The following OSBPL9 variants were observed in gnomAD, a reference collection of about 807,000 sequenced individuals.
OSBPL9 encodes the protein oxysterol-binding protein-related protein 9.
A neutral mutation model predicts 106.6 loss-of-function variants in OSBPL9; 40 were observed. The observed-to-expected ratio is 0.38, with a 90% CI of 0.29 to 0.49. The LOEUF is 0.49. Ranked by LOEUF, OSBPL9 falls within the 20% of genes least tolerant of loss-of-function variation. The pLI, the probability that OSBPL9 is intolerant of heterozygous loss-of-function variation, is 0.97. For missense variants in OSBPL9, 609 were observed against 887.2 expected (o/e 0.69, Z 3.98); for synonymous variants, 269 against 295.4 (o/e 0.91, Z 0.92).
At chr1:51,616,046 GCT>G (rs1644050339), upstream of OSBPL9, among the ~76,000 whole-genome samples, 2 of 138,478 alleles carry the variant, frequency 1.4e-5, no homozygotes, top group Admixed American at 1.5e-4. Context: ...AGAGAATTTG[GCT>G]CTGTCACCCA....
the OSBPL9 span, among the ~76,000 whole-genome samples, chr1:51,541,156 G>T: frequency 1.3e-5 from 2 of 152,066 alleles, no homozygotes; most frequent in Admixed American, 6.6e-5. Context: ...TTATTTATTT[G>T]TTTGTTTGCT....
the OSBPL9 span, among the ~76,000 whole-genome samples, chr1:51,524,882 G>A: frequency 1.3e-5 from 2 of 152,168 alleles, no homozygotes; most frequent in Non-Finnish European, 2.9e-5. Context: ...CATGGCTGCA[G>A]GTTCTTTCAT....
the OSBPL9 span, among the ~76,000 whole-genome samples, chr1:51,533,372 G>A: frequency 6.6e-6 from 1 of 151,734 alleles, no homozygotes; most frequent in African/African-American, 2.4e-5. Context: ...TGTAGTCCCA[G>A]CTACTCTGGA....
intron 6 of OSBPL9, among the ~76,000 whole-genome samples, chr1:51,747,033 G>A (rs961881399): frequency 6.6e-6 from 1 of 152,122 alleles, no homozygotes; most frequent in Non-Finnish European, 1.5e-5. Context: ...GCATTGGCAC[G>A]ATCTCAGCTC....
intron 3 of OSBPL9, among the ~76,000 whole-genome samples, chr1:51,679,457 G>A (rs188949230): frequency 6.9e-4 from 105 of 152,304 alleles, no homozygotes; most frequent in African/African-American, 2.4e-3. Flanking sequence ...GAAGATAATT[G>A]TTAGTAACAT....
chr1:51,616,864 C>T, upstream of OSBPL9: 1 of 529,402 alleles, frequency 1.9e-6, no homozygotes, highest in South Asian at 2.5e-5. Context: ...TTACTCTAAT[C>T]CCATGACAGA....
chr1:51,761,833 TC>T, intron 10 of OSBPL9, 33 bp from the exon 11 acceptor site: 1 of 1,497,964 alleles, frequency 6.7e-7, no homozygotes, highest in South Asian at 1.1e-5. Context: ...TTTGGCTGTT[TC>T]TGTACCTTAT....
chr1:51,577,523 T>C lies in OSBPL9; in HGVS notation c.-423+267T>C, dbSNP rs1645193276. ...CTCCTGACCTCGTGATCCACCCACC[T>C]AGGCCTCCCAAAGTGCTGGGATTAC... On this transcript the variant is annotated intron_variant, in intron 1 of 25. Coordinates refer to the OSBPL9 transcript ENST00000371714. 2.0e-5 allele frequency among the ~76,000 whole-genome samples: 3 copies of C among 152,032 alleles called. No homozygotes were observed. In the South Asian group the frequency reaches 6.2e-4, roughly 31 times the overall value.
the OSBPL9 span, chr1:51,562,050 T>G: frequency 0.17 from 26,297 of 152,180 alleles, 4,624 homozygotes; most frequent in African/African-American, 0.45. Context: ...AAAGAACCAG[T>G]GAACAAGGCA....
the OSBPL9 span, among the ~76,000 whole-genome samples, chr1:51,544,070 A>C: frequency 2.6e-5 from 4 of 152,240 alleles, no homozygotes; most frequent in African/African-American, 9.6e-5. Context: ...TTTGCGTAGC[A>C]CTTGATGATT....
chr1:51,537,860 T>C, the OSBPL9 span, among the ~76,000 whole-genome samples: 1 of 152,116 alleles, frequency 6.6e-6, no homozygotes, highest in African/African-American at 2.4e-5. Flanking sequence ...CATTTTAAAT[T>C]AATAATTCAT....
chr1:51,693,969 A>G (rs1261968941), intron 3 of OSBPL9, among the ~76,000 whole-genome samples: 1 of 152,210 alleles, frequency 6.6e-6, no homozygotes, highest in Non-Finnish European at 1.5e-5. Flanking sequence ...AGCCATGAAT[A>G]AGGCTGTCAA....
chr1:51,723,593 C>G (rs1180054693), intron 4 of OSBPL9, among the ~76,000 whole-genome samples: 1 of 152,042 alleles, frequency 6.6e-6, no homozygotes, highest in African/African-American at 2.4e-5. Context: ...GTTGCCCAGG[C>G]TGGAGTGCAG....
At chr1:51,518,722 A>G in the OSBPL9 span, among the ~76,000 whole-genome samples, 2 of 152,178 alleles carry the variant, frequency 1.3e-5, no homozygotes, top group East Asian at 3.9e-4. Flanking sequence ...CGGCTCTGGA[A>G]GGCAACTCCT....
intron 5 of OSBPL9, 112 bp downstream of exon 5, chr1:51,745,743 C>T: frequency 1.6e-6 from 2 of 1,290,078 alleles, no homozygotes; most frequent in South Asian, 4.4e-5. Context: ...TGTGGTTCTT[C>T]AGCAGTTTTT....
intron 4 of OSBPL9, among the ~76,000 whole-genome samples, chr1:51,743,840 A>G (rs1471998067): frequency 6.6e-6 from 1 of 152,172 alleles, no homozygotes; most frequent in Non-Finnish European, 1.5e-5. Context: ...ATCCATTTCT[A>G]TGTCTTTTGT....
chr1:51,705,376 CAT>C (rs202075577), intron 3 of OSBPL9, among the ~76,000 whole-genome samples: 732 of 41,624 alleles, frequency 0.018, 20 homozygotes, highest in African/African-American at 0.031. Flanking sequence ...TAGGGTGTTT[CAT>C]ATATATATAT....
rs75074361 is a variant in OSBPL9 at position 51,643,667 on chromosome 1, C to G, written c.112-8324C>G. ...GCCATGAAGTACTTTTTTTTGCTTG[C>G]TTGCTTGTTTTGTTTTTTAATCGAA... On this transcript the variant is annotated intron_variant, in intron 1 of 23. Transcript: ENST00000428468. Among the ~76,000 whole-genome samples, 1,290 of 151,960 alleles carry G rather than the reference C, an allele frequency of 8.5e-3. 20 individuals are homozygous for G. Among genetic ancestry groups the G allele is most frequent in the African/African-American group, 0.029 (1,217 of 41,458 alleles).
At chr1:51,596,497 T>G (rs969268726) in intron 1 of OSBPL9, among the ~76,000 whole-genome samples, 15 of 141,338 alleles carry the variant, frequency 1.1e-4, no homozygotes, top group African/African-American at 4.0e-4. Context: ...AGGTGGAGGT[T>G]GCAGCGAGCC....
Sources: gnomAD v4.1 joint callset for allele counts (sites outside exome capture counted in the v4.1 genomes callset) on GRCh38, gnomAD v4.1.1 for gene constraint, MANE v1.5 for transcripts, NCBI Gene and HGNC (gene_info 2026-07-23, HGNC 2026-07-21) for gene names.